The following TMEM132A variants were observed in gnomAD, a reference collection of about 807,000 sequenced individuals.
The protein encoded by TMEM132A is transmembrane protein 132A, also known as GRP78-binding protein.
TMEM132A carries 48 observed loss-of-function variants against 69.9 expected under a neutral mutation model. The ratio of observed to expected loss-of-function variants is 0.69; its 90% CI spans 0.55 to 0.87. The LOEUF is 0.87. TMEM132A is among the 40% of genes least tolerant of loss of function. The probability of loss-of-function intolerance (pLI) is 0.00; values close to 1 mark genes in which losing one functional copy is unlikely to be tolerated. For missense variants in TMEM132A, 1,287 were observed against 1,407.2 expected, an observed-to-expected ratio of 0.91 and a Z score of 1.37; for synonymous variants, 577 against 613.7, an observed-to-expected ratio of 0.94 and a Z score of 0.88.
chr11:60,929,013 T>C (rs1856418051), intron 4 of TMEM132A, 53 bp downstream of exon 4: 2 of 1,575,066 alleles, frequency 1.3e-6, no homozygotes, highest in South Asian at 1.1e-5. Flanking sequence ...GTGGGAAGAC[T>C]AGGGACAGGT....
intron 3 of TMEM132A, 47 bp from the exon 4 acceptor site, chr11:60,928,582 G>A (rs368258894): frequency 5.9e-5 from 91 of 1,554,320 alleles, no homozygotes; most frequent in African/African-American, 3.5e-4. Context: ...CCTGTTCCTC[G>A]CCCTGCACCC....
In TMEM132A at chr11:60,934,659, G is replaced by T; in HGVS notation, c.1731G>T (p.Val577=). 1 of 1,597,536 alleles carries T rather than the reference G, an allele frequency of 6.3e-7. No homozygotes were observed. The part of the protein sequence containing the change: ...HLLGPDWLLD[V]SHLVAPHARV... ...TTGGCCCCGACTGGCTGCTAGACGT[G>T]TCCCACCTCGTGGCGCCACACGCCC... Residue 577 remains valine, a synonymous_variant, in exon 9 of 11, where the codon GTG becomes GTT. Transcript: ENST00000453848.
chr11:60,927,637 C>T lies in TMEM132A; in HGVS notation c.316-4C>T. ...TTTGTTAAGCCCTCTCATTCTCCCT[C>T]CAGGTGGTCCCCCCTCGAGTCACTG... On this transcript the variant is annotated splice_region_variant and splice_polypyrimidine_tract_variant and intron_variant, in intron 2 of 10. Coordinates refer to ENST00000453848, the MANE Select transcript of TMEM132A (RefSeq NM_178031.3). The T allele has an allele frequency of 6.2e-7, 1 of 1,607,910 alleles. No homozygotes were observed. The highest frequency in any genetic ancestry group is 1.3e-5 in the African/African-American group (1 of 74,998).
intron 5 of TMEM132A, 35 bp downstream of exon 5, chr11:60,930,694 G>A (rs1324362886): frequency 1.3e-6 from 2 of 1,583,518 alleles, no homozygotes; most frequent in Admixed American, 1.7e-5. Flanking sequence ...GGGCAAAGGA[G>A]GGAGGGCTGG....
At chr11:60,930,754 T>G in intron 5 of TMEM132A, 95 bp downstream of exon 5, 1 of 1,289,868 alleles carries the variant, frequency 7.8e-7, no homozygotes, top group Non-Finnish European at 1.0e-6. Flanking sequence ...TGCCTCTAGA[T>G]CCCCAGGTGA....
In TMEM132A at chr11:60,927,215, C is replaced by G; in HGVS notation, c.112C>G (p.Gln38Glu). 6.2e-7 allele frequency: 1 copy of G among 1,613,060 alleles called. No homozygotes were observed. The highest frequency in any genetic ancestry group is 8.5e-7 in the Non-Finnish European group (1 of 1,179,966). ...TTATGCCTCTTCAGTGGACTGTGGC[C>G]AGGCTCCCCTGGACCCTGTCTACCT... The part of the protein sequence containing the change: ...ALDVVRVDCG[Q>E]APLDPVYLPA... The change falls in exon 2 of 11, where the codon CAG becomes GAG. Residue 38 changes from glutamine (Q) to glutamate (E), a missense_variant. By Grantham distance (29) the Gln-to-Glu change is conservative. Coordinates refer to ENST00000453848, the MANE Select transcript of TMEM132A (RefSeq NM_178031.3).
Position 60,936,095 on chromosome 11 carries a change from C to A in TMEM132A, c.2260C>A (p.Arg754Ser), listed in dbSNP as rs760024959. The change falls in exon 11 of 11, where the codon CGT (arginine) becomes AGT (serine). Residue 754 changes from arginine (R) to serine (S), a missense_variant. Physicochemically the swap from Arg to Ser is moderately radical, Grantham distance 110 (BLOSUM62 -1). Transcript: ENST00000453848. The stretch of plus-strand genomic sequence containing the variant: ...CGAGCCCTGCCGCCGGGGCCGCCAC[C>A]GTGTGCCTCTGGCCTCTGGCACCGC... Reference protein sequence around the residue: ...PPEPCRRGRHRVPLASGTAWL... With the variant: ...PPEPCRRGRHSVPLASGTAWL... The A allele has an allele frequency of 4.3e-6, 7 of 1,611,340 alleles. No homozygotes were observed. The Admixed American group carries it at 8.3e-5, about 19-fold the overall frequency.
chr11:60,931,764 T>G lies in TMEM132A; in HGVS notation c.1092T>G (p.Thr364=). The change falls in exon 6 of 11, where the codon ACT becomes ACG. Residue 364 remains threonine, a synonymous_variant. Coordinates refer to ENST00000453848, the MANE Select transcript of TMEM132A (RefSeq NM_178031.3). Reference sequence around the variant, plus strand: ...GCACTGGTGGGGGCGTAGCGGTCACTCGCCCCGTCACGTGGCAGCTGGAGT... The same window carrying G: ...GCACTGGTGGGGGCGTAGCGGTCACGCGCCCCGTCACGTGGCAGCTGGAGT... The part of the protein sequence containing the change: ...ENSTGGGVAV[T]RPVTWQLEYP... 6.2e-7 allele frequency: 1 copy of G among 1,614,202 alleles called. No homozygotes were observed. The highest frequency in any genetic ancestry group is 8.5e-7 in the Non-Finnish European group (1 of 1,180,026).
rs1184959988 is a variant in TMEM132A, at chr11:60,931,690, C to T, written c.1018C>T (p.Pro340Ser). Residue 340 changes from proline (P) to serine (S), a missense_variant and splice_region_variant, in exon 6 of 11, where the codon CCC becomes TCC. Coordinates refer to ENST00000453848, the MANE Select transcript of TMEM132A (RefSeq NM_178031.3). ...TTCTCTGTCTCCTTTGGCCAGCAGTCCCCTTGAACTGTCTGAGTTCCTATG... is the reference window on the plus strand; with the variant it reads ...TTCTCTGTCTCCTTTGGCCAGCAGTTCCCTTGAACTGTCTGAGTTCCTATG... Reference protein sequence around the residue: ...RAGLTEPDSSPLELSEFLWVD... With the variant: ...RAGLTEPDSSSLELSEFLWVD... The T allele has an allele frequency of 6.2e-7, 1 of 1,607,398 alleles. No homozygotes were observed. The highest frequency in any genetic ancestry group is 1.3e-5 in the African/African-American group (1 of 74,778).
Position 60,935,694 on chromosome 11 carries a change from C to T in TMEM132A, c.2029-170C>T. On this transcript the variant is annotated intron_variant, in intron 10 of 10. Transcript: ENST00000453848. The surrounding 1 kb of genome is among the most constrained non-coding windows in gnomAD (Gnocchi z 5.0). ...TAACTCAGACCCTAGGGCTGAGTGGCAGACAGGTGATTGACACGCGTCCCC... is the reference window on the plus strand; with the variant it reads ...TAACTCAGACCCTAGGGCTGAGTGGTAGACAGGTGATTGACACGCGTCCCC... 1 of 869,314 alleles carries T rather than the reference C, an allele frequency of 1.2e-6. No homozygotes were observed. The highest frequency in any genetic ancestry group is 2.6e-5 in the East Asian group (1 of 38,886). 53.9% of individuals were successfully genotyped at this position (869,314 alleles called of 1,614,324 possible).
At position 60,927,849 on chromosome 11, in the gene TMEM132A, G is replaced by C; in HGVS notation, c.524G>C (p.Cys175Ser). The stretch of plus-strand genomic sequence containing the variant: ...CCTGCCGGCACTGCTCACCAAGCCT[G>C]CCGCTTCCAGGTGAGTAGACAGGCC... ...THPAGTAHQA[C>S]RFQPSLGACV... is the part of the protein sequence containing the mutation. Residue 175 changes from cysteine to serine, a missense_variant, in exon 3 of 11, where the codon TGC becomes TCC. Physicochemically the swap from Cys to Ser is moderately radical, Grantham distance 112 (BLOSUM62 -1). Transcript: ENST00000453848. 6.2e-7 allele frequency: 1 copy of C among 1,609,004 alleles called. No homozygotes were observed. Among genetic ancestry groups the C allele is most frequent in the Non-Finnish European group, 8.5e-7 (1 of 1,179,102 alleles).
chr11:60,924,733 G>A lies in TMEM132A; in HGVS notation c.100G>A (p.Val34Met). 1 of 1,561,260 alleles carries A rather than the reference G, an allele frequency of 6.4e-7. No homozygotes were observed. Among genetic ancestry groups the A allele is most frequent in the Middle Eastern group, 2.0e-4 (1 of 5,118 alleles). ...LVALALDVVR[V>M]DCGQAPLDPV... ...GGCCCTCGCCCTGGACGTCGTGAGAGGTCAGCGGGAGGGGAGGGCCGGGGC... is the reference window on the plus strand; with the variant it reads ...GGCCCTCGCCCTGGACGTCGTGAGAAGTCAGCGGGAGGGGAGGGCCGGGGC... The change falls in exon 1 of 11, where the codon GTG (valine) becomes ATG (methionine). Residue 34 changes from valine (V) to methionine (M), a missense_variant and splice_region_variant. Coordinates refer to ENST00000453848, the MANE Select transcript of TMEM132A (RefSeq NM_178031.3).
In TMEM132A at chr11:60,936,271, G is replaced by T. The variant is rs1197588520; in HGVS notation, c.2436G>T (p.Glu812Asp). The change falls in exon 11 of 11, where the codon GAG becomes GAT. Residue 812 changes from glutamate (E) to aspartate (D), a missense_variant. Coordinates refer to ENST00000453848, the MANE Select transcript of TMEM132A (RefSeq NM_178031.3). ...ACACAGGTGTGAGGGGCAAGTTTGA[G>T]CGGGCAGAGGAGGAGGCCAGGAAGG... ...GGNTGVRGKF[E>D]RAEEEARKEE... The T allele has an allele frequency of 6.2e-7, 1 of 1,614,160 alleles. No individual in the cohort carries two copies. Among genetic ancestry groups the T allele is most frequent in the Admixed American group, 1.7e-5 (1 of 60,024 alleles).
rs548351195 is a variant in TMEM132A, at chr11:60,927,229, C to T, written c.126C>T (p.Asp42=). ...VRVDCGQAPL[D]PVYLPAALEL... ...TGGACTGTGGCCAGGCTCCCCTGGA[C>T]CCTGTCTACCTGCCGGCAGCCCTGG... Residue 42 remains aspartate, a synonymous_variant, in exon 2 of 11, where the codon GAC becomes GAT. Coordinates refer to ENST00000453848, the MANE Select transcript of TMEM132A (RefSeq NM_178031.3). 5.0e-6 allele frequency: 8 copies of T among 1,613,466 alleles called. No homozygotes were observed. In the South Asian group the frequency reaches 8.8e-5, roughly 18 times the overall value.
intron 2 of TMEM132A, 66 bp from the exon 3 acceptor site, chr11:60,927,575 T>C: frequency 1.3e-6 from 2 of 1,488,342 alleles, no homozygotes; most frequent in Non-Finnish European, 9.1e-7. Context: ...CAAGCTGGGA[T>C]CCCATCTTCC....
At chr11:60,934,915 A>G in intron 9 of TMEM132A, 151 bp downstream of exon 9, 1 of 891,680 alleles carries the variant, frequency 1.1e-6, no homozygotes, top group Non-Finnish European at 1.7e-6. Context: ...GATTGGGGAT[A>G]GGCTCAGAAT....
chr11:60,924,910 C>G (rs1429522458), intron 1 of TMEM132A, among the ~76,000 whole-genome samples, 177 bp downstream of exon 1: 1 of 152,064 alleles, frequency 6.6e-6, no homozygotes, highest in Non-Finnish European at 1.5e-5. Context: ...CAGCCACTCG[C>G]CCCTAAGGCT....
At chr11:60,932,383 G>C in intron 7 of TMEM132A, 1 of 381,122 alleles carries the variant, frequency 2.6e-6, no homozygotes. Context: ...TGGCCTGAGA[G>C]AGTCGAGAGC....
At position 60,924,714 on chromosome 11, in the gene TMEM132A, C is replaced by T. The variant is rs1172437335; in HGVS notation, c.81C>T (p.Leu27=). The change falls in exon 1 of 11, where the codon CTC becomes CTT. Residue 27 remains leucine, a synonymous_variant. Coordinates refer to ENST00000453848, the MANE Select transcript of TMEM132A (RefSeq NM_178031.3). ...YGPWLCLLVA[L]ALDVVRVDCG... is the part of the protein sequence containing the mutation. ...CCTGGCTCTGCCTCCTGGTGGCCCT[C>T]GCCCTGGACGTCGTGAGAGGTCAGC... is the stretch of plus-strand genomic sequence containing the variant. 6.3e-7 allele frequency: 1 copy of T among 1,583,772 alleles called. No individual in the cohort carries two copies. Among genetic ancestry groups the T allele is most frequent in the African/African-American group, 1.4e-5 (1 of 73,670 alleles).
Sources: gnomAD v4.1 joint callset for allele counts (sites outside exome capture counted in the v4.1 genomes callset) on GRCh38, gnomAD v4.1.1 for gene constraint, Gnocchi (gnomAD v3.1) non-coding constraint, MANE v1.5 for transcripts, NCBI Gene and HGNC (gene_info 2026-07-23, HGNC 2026-07-21) for gene names.